SAMD12: variants seen among roughly 807,000 people sequenced by gnomAD.
SAMD12 encodes the protein sterile alpha motif domain-containing protein 12.
In SAMD12, 9 loss-of-function variants were observed where a neutral mutation model predicts 15.0. The observed-to-expected ratio is 0.60, with a 90% CI of 0.36 to 1.05. SAMD12 has a LOEUF of 1.05. SAMD12 is among the 50% of genes least tolerant of loss of function. The pLI, the probability that SAMD12 is intolerant of heterozygous loss-of-function variation, is 0.01. For synonymous variants in SAMD12, 86 were observed against 90.1 expected, an observed-to-expected ratio of 0.96 and a Z score of 0.25; for missense variants, 230 against 234.2, an observed-to-expected ratio of 0.98 and a Z score of 0.12.
Position 118,543,922 on chromosome 8 carries a change from T to C in SAMD12, c.192+36793A>G, listed in dbSNP as rs560313244. ...TCTCTCCATGCCAAATAACCGGGGCTAAATGAATCTTACCCAATTATCCTT... is the reference window on the plus strand; with the variant it reads ...TCTCTCCATGCCAAATAACCGGGGCCAAATGAATCTTACCCAATTATCCTT... On this transcript the variant is annotated intron_variant, in intron 2 of 3. Transcript: ENST00000314727. Among the ~76,000 whole-genome samples the C allele has an allele frequency of 4.6e-5, 7 of 152,276 alleles. No homozygotes were observed. The South Asian group carries it at 1.5e-3, about 32-fold the overall frequency.
At position 118,610,148 on chromosome 8, in the gene SAMD12, A is replaced by G. The variant is rs371267050; in HGVS notation, c.13+11656T>C. On this transcript the variant is annotated intron_variant, in intron 1 of 3. Coordinates refer to ENST00000314727, the MANE Select transcript of SAMD12 (RefSeq NM_207506.3). ...GGTGAATTTGGAAGGCAGCATGAGA[A>G]AACAACAAAAACCCAAAGACCTAGG... is the stretch of plus-strand genomic sequence containing the variant. Among the ~76,000 whole-genome samples the G allele has an allele frequency of 6.6e-5, 10 of 152,302 alleles. No homozygotes were observed. In the East Asian group the frequency reaches 1.9e-3, roughly 29 times the overall value.
chr8:118,548,520 TTA>T, intron 2 of SAMD12, among the ~76,000 whole-genome samples: 1 of 152,116 alleles, frequency 6.6e-6, no homozygotes, highest in African/African-American at 2.4e-5. Context: ...AAGGTATTTG[TTA>T]ACATCTACAA....
At chr8:118,421,400 T>C (rs1156969634) in intron 3 of SAMD12, among the ~76,000 whole-genome samples, 3 of 152,246 alleles carry the variant, frequency 2.0e-5, no homozygotes, top group African/African-American at 4.8e-5. Context: ...AATCATACTT[T>C]AGCCATTTAC....
intron 2 of SAMD12, among the ~76,000 whole-genome samples, chr8:118,520,778 T>C (rs577948603): frequency 2.0e-5 from 3 of 152,158 alleles, no homozygotes; most frequent in African/African-American, 7.2e-5. Context: ...CTGTTTCCTA[T>C]ACAAACTTTT....
chr8:118,543,530 G>A (rs898369012), intron 2 of SAMD12, among the ~76,000 whole-genome samples: 2 of 152,090 alleles, frequency 1.3e-5, no homozygotes, highest in South Asian at 2.1e-4. Flanking sequence ...TCCAATCCGC[G>A]GCCTGCATGT....
At chr8:118,168,785 G>T in the SAMD12 span, among the ~76,000 whole-genome samples, 1 of 152,016 alleles carries the variant, frequency 6.6e-6, no homozygotes, top group African/African-American at 2.4e-5. Flanking sequence ...TGACTGTAAT[G>T]TCAGAAAACT....
chr8:118,449,899 A>T (rs948352558), intron 2 of SAMD12, among the ~76,000 whole-genome samples: 1 of 151,974 alleles, frequency 6.6e-6, no homozygotes, highest in Admixed American at 6.6e-5. Flanking sequence ...GGGCAAAGGT[A>T]TGTTTCTCTT....
chr8:118,579,756 A>C (rs1272418279), intron 2 of SAMD12, among the ~76,000 whole-genome samples: 2 of 152,168 alleles, frequency 1.3e-5, no homozygotes, highest in Non-Finnish European at 2.9e-5. Context: ...CAACATTTGA[A>C]AGGAAATTGT....
intron 4 of SAMD12, among the ~76,000 whole-genome samples, chr8:118,251,045 A>G (rs144595890): frequency 1.3e-5 from 2 of 152,260 alleles, no homozygotes; most frequent in East Asian, 3.9e-4. Context: ...AACTTGCCCA[A>G]GGTTGCACAG....
intron 2 of SAMD12, among the ~76,000 whole-genome samples, chr8:118,534,719 T>C (rs1050567789): frequency 3.9e-5 from 6 of 152,228 alleles, no homozygotes; most frequent in Non-Finnish European, 7.3e-5. Flanking sequence ...ATACCCTGTC[T>C]TCCAGTTGAT....
chr8:118,346,195 T>A (rs1392856622), intron 4 of SAMD12, among the ~76,000 whole-genome samples: 1 of 152,176 alleles, frequency 6.6e-6, no homozygotes, highest in Non-Finnish European at 1.5e-5. Context: ...ATAAATTATA[T>A]ATGTAATTTT....
intron 3 of SAMD12, among the ~76,000 whole-genome samples, chr8:118,380,871 T>G (rs1357070474): frequency 6.6e-6 from 1 of 152,170 alleles, no homozygotes; most frequent in East Asian, 1.9e-4. Context: ...TATGCTGTTG[T>G]AAAAAACAAT....
At chr8:118,443,605 T>G (rs1822820315) in intron 2 of SAMD12, among the ~76,000 whole-genome samples, 1 of 152,210 alleles carries the variant, frequency 6.6e-6, no homozygotes, top group Admixed American at 6.5e-5. Flanking sequence ...ATAAAAGTAT[T>G]GATACCATTT....
chr8:118,299,258 C>A (rs957380033), intron 4 of SAMD12, among the ~76,000 whole-genome samples: 2 of 152,102 alleles, frequency 1.3e-5, no homozygotes, highest in African/African-American at 4.8e-5. Context: ...GGCTAGTGGT[C>A]ACATTTAGTA....
intron 4 of SAMD12, among the ~76,000 whole-genome samples, chr8:118,222,568 C>G (rs1022678168): frequency 6.6e-6 from 1 of 152,064 alleles, no homozygotes; most frequent in African/African-American, 2.4e-5. Flanking sequence ...TGCAATGCCT[C>G]AATCTCAGCT....
intron 2 of SAMD12, among the ~76,000 whole-genome samples, chr8:118,476,198 C>T (rs1048297446): frequency 3.3e-5 from 5 of 152,154 alleles, no homozygotes; most frequent in African/African-American, 4.8e-5. Context: ...CTTGATTGAT[C>T]ACCTACTAGG....
the SAMD12 span, among the ~76,000 whole-genome samples, chr8:118,152,454 C>CCCA: frequency 6.9e-6 from 1 of 144,280 alleles, no homozygotes; most frequent in African/African-American, 2.6e-5. Context: ...CTCCCTCCCT[C>CCCA]CCTACCTTCC....
chr8:118,232,168 T>C (rs1393838186), intron 4 of SAMD12, among the ~76,000 whole-genome samples: 1 of 152,176 alleles, frequency 6.6e-6, no homozygotes, highest in East Asian at 1.9e-4. Context: ...GGCCTCCTCC[T>C]GAGTCTCAGA....
intron 2 of SAMD12, among the ~76,000 whole-genome samples, chr8:118,566,358 G>A (rs181983101): frequency 4.9e-4 from 74 of 152,032 alleles, no homozygotes; most frequent in African/African-American, 1.5e-3. Context: ...ATTTTCGATC[G>A]CAGTTTTTCA....
Sources: gnomAD v4.1 joint callset for allele counts (sites outside exome capture counted in the v4.1 genomes callset) on GRCh38, gnomAD v4.1.1 for gene constraint, MANE v1.5 for transcripts, NCBI Gene and HGNC (gene_info 2026-07-23, HGNC 2026-07-21) for gene names.